The following KCNC3 variants were observed in gnomAD, a reference collection of about 807,000 sequenced individuals.
KCNC3 encodes voltage-gated potassium channel KCNC3.
KCNC3 carries 22 observed loss-of-function variants against 43.9 expected under a neutral mutation model. That is an observed-to-expected ratio of 0.50 (90% CI 0.36 to 0.72). The LOEUF (loss-of-function observed/expected upper bound fraction) is 0.72. Ranked by LOEUF, KCNC3 falls within the 30% of genes least tolerant of loss-of-function variation. The probability of loss-of-function intolerance (pLI) is 0.00; values close to 1 mark genes in which losing one functional copy is unlikely to be tolerated. For synonymous variants in KCNC3, 492 were observed against 488.0 expected (o/e 1.01, Z -0.11); for missense variants, 829 against 1,073.8 (o/e 0.77, Z 3.19).
chr19:50,316,461 C>T (rs1328654916), intron 4 of KCNC3, among the ~76,000 whole-genome samples: 1 of 151,908 alleles, frequency 6.6e-6, no homozygotes, highest in Non-Finnish European at 1.5e-5. Flanking sequence ...AGGGAAGAAG[C>T]CTGGCGCAGT....
In KCNC3 at chr19:50,312,142, AC is replaced by A. The variant is rs2123507995; in HGVS notation, c.*3972del. On this transcript the variant is annotated 3_prime_UTR_variant, in exon 5 of 5. Coordinates refer to ENST00000477616, the MANE Select transcript of KCNC3 (RefSeq NM_004977.3). ...CCTGCCCTGCGGGTGGGCTGAGAAG[AC>A]CCGCCATTAGCACCAGAGTTGGACG... The A allele has an allele frequency of 6.9e-6, 1 of 145,128 alleles. No individual in the cohort carries two copies. The highest frequency in any genetic ancestry group is 2.6e-5 in the African/African-American group (1 of 39,114). The allele number at this position is 145,128 out of a possible 1,614,324, so 9.0% of individuals were successfully genotyped here.
chr19:50,321,832 G>A (rs2037038044), intron 2 of KCNC3, among the ~76,000 whole-genome samples: 1 of 151,832 alleles, frequency 6.6e-6, no homozygotes, highest in Admixed American at 6.6e-5. Context: ...TCGGGGAGAA[G>A]ATGAGGCAGT....
At chr19:50,322,242 A>C (rs1220306657) in intron 2 of KCNC3, among the ~76,000 whole-genome samples, 3 of 152,096 alleles carry the variant, frequency 2.0e-5, no homozygotes, top group South Asian at 2.1e-4. Flanking sequence ...ACACACACAG[A>C]AGCACAGGTA....
Position 50,323,856 on chromosome 19 carries a change from C to T in KCNC3, c.1097G>A (p.Arg366His), listed in dbSNP as rs769502387. 3 of 1,614,026 alleles carry T rather than the reference C, an allele frequency of 1.9e-6. No individual in the cohort carries two copies. The highest frequency in any genetic ancestry group is 2.7e-5 in the African/African-American group (2 of 74,910). ...CACCTTGTCTGGGCAGAAGGTGATG[C>T]GCATGAGGAACTCGAAGGTGAACCA... ...VVWFTFEFLM[R>H]ITFCPDKVEF... The change falls in exon 2 of 5, where the codon CGC becomes CAC. Residue 366 changes from arginine to histidine, a missense_variant. Coordinates refer to ENST00000477616, the MANE Select transcript of KCNC3 (RefSeq NM_004977.3).
At chr19:50,331,792 C>G (rs1042637517), upstream of KCNC3, among the ~76,000 whole-genome samples, 1 of 152,040 alleles carries the variant, frequency 6.6e-6, no homozygotes, top group Non-Finnish European at 1.5e-5. Flanking sequence ...GTTTCACCTT[C>G]TTCTGGGTCT....
intron 4 of KCNC3, 95 bp from the exon 5 acceptor site, chr19:50,316,186 G>A (rs527734990): frequency 5.8e-4 from 223 of 385,584 alleles, no homozygotes; most frequent in African/African-American, 4.3e-3. Flanking sequence ...ATGGAGAAAC[G>A]CCGCCGGGAT....
Position 50,315,969 on chromosome 19 carries a change from T to C in KCNC3, c.*146A>G. ...TGTCTTGATCGTAGGAGGGAGGGCT[T>C]GGGGGGAGATTTGAAGCCCAGTGTC... On this transcript the variant is annotated 3_prime_UTR_variant, in exon 5 of 5. Coordinates refer to ENST00000477616, the MANE Select transcript of KCNC3 (RefSeq NM_004977.3). 4.6e-6 allele frequency: 1 copy of C among 217,254 alleles called. No homozygotes were observed. Among genetic ancestry groups the C allele is most frequent in the Non-Finnish European group, 9.3e-6 (1 of 106,960 alleles). The allele number at this position is 217,254 out of a possible 1,614,324, so 13.5% of individuals were successfully genotyped here. A position where few individuals can be genotyped will look rare whatever the true frequency, so the allele number is the denominator to read the frequency against.
intron 1 of KCNC3, among the ~76,000 whole-genome samples, chr19:50,326,930 G>GT (rs201114919): frequency 1.4e-5 from 2 of 147,652 alleles, no homozygotes; most frequent in Non-Finnish European, 3.0e-5. Flanking sequence ...GGCGGGGGGG[G>GT]AGGTTCGAGA....
intron 3 of KCNC3, 76 bp downstream of exon 3, chr19:50,320,517 A>C: frequency 7.1e-7 from 1 of 1,410,492 alleles, no homozygotes; most frequent in Non-Finnish European, 9.8e-7. Context: ...CTCCTCCCCC[A>C]TCCCCCTCTC....
intron 4 of KCNC3, among the ~76,000 whole-genome samples, chr19:50,319,560 T>C (rs543641798): frequency 7.0e-4 from 107 of 152,292 alleles, no homozygotes; most frequent in African/African-American, 2.4e-3. Context: ...TGGTCAGAAC[T>C]CCTGCTCAAC....
chr19:50,328,477 G>C lies in KCNC3; in HGVS notation c.606C>G (p.Phe202Leu), dbSNP rs375782591. The C allele has an allele frequency of 1.0e-4, 166 of 1,606,670 alleles. No homozygotes were observed. The highest frequency in any genetic ancestry group is 1.3e-4 in the Non-Finnish European group (157 of 1,177,886). Residue 202 changes from phenylalanine (F) to leucine (L), a missense_variant, in exon 1 of 5, where the codon TTC becomes TTG. Phe to Leu is a conservative substitution (Grantham distance 22). Transcript: ENST00000477616. ...CGGCGCCCGCGGGGTCGGGCGCCTC[G>C]AAGGAGTCGAGCGCCTCCTCAGCGT... ...HRDAEEALDS[F>L]EAPDPAGAAN...
chr19:50,332,814 TC>T (rs2123556975), upstream of KCNC3, among the ~76,000 whole-genome samples: 1 of 151,986 alleles, frequency 6.6e-6, no homozygotes, highest in Non-Finnish European at 1.5e-5. The surrounding 1 kb of genome is among the most constrained non-coding windows in gnomAD (Gnocchi z 5.8). Context: ...AAGCTCCAAC[TC>T]CCATCTACGT....
intron 2 of KCNC3, among the ~76,000 whole-genome samples, chr19:50,321,773 A>G (rs1394804129): frequency 6.6e-6 from 1 of 151,778 alleles, no homozygotes; most frequent in African/African-American, 2.4e-5. Context: ...CCGTCTTGGA[A>G]TAAGAAAAAA....
intron 1 of KCNC3, among the ~76,000 whole-genome samples, chr19:50,327,310 C>G (rs929335183): frequency 9.9e-5 from 15 of 152,196 alleles, no homozygotes; most frequent in African/African-American, 3.6e-4. Context: ...TGGGGGAAGT[C>G]TGGAGCTTTA....
intron 3 of KCNC3, 69 bp downstream of exon 3, chr19:50,320,522 CCT>C: frequency 6.9e-7 from 1 of 1,454,626 alleles, no homozygotes; most frequent in Middle Eastern, 2.3e-4. Context: ...CCCCCATCCC[CCT>C]CTCCTCCCTC....
intron 2 of KCNC3, 46 bp downstream of exon 2, chr19:50,322,929 C>T: frequency 6.5e-7 from 1 of 1,539,666 alleles, no homozygotes; most frequent in Non-Finnish European, 8.8e-7. Context: ...CCCCAGTCCT[C>T]CCCGGGTCTC....
Position 50,324,109 on chromosome 19 carries a change from G to C in KCNC3, c.871-27C>G. On this transcript the variant is annotated intron_variant, in intron 1 of 4. Coordinates refer to ENST00000477616, the MANE Select transcript of KCNC3 (RefSeq NM_004977.3). This position sits in a 1 kb window ranked among gnomAD's most constrained non-coding sequence, Gnocchi z 4.1. ...TGCAGGGCAGGGAGGGAGAGAGAGG[G>C]GGAGAGGTGACCTAGGCATCAGGTT... The C allele has an allele frequency of 6.4e-7, 1 of 1,560,718 alleles. No homozygotes were observed. Among genetic ancestry groups the C allele is most frequent in the Non-Finnish European group, 8.7e-7 (1 of 1,153,682 alleles).
chr19:50,330,573 A>T (rs1260532816), upstream of KCNC3, among the ~76,000 whole-genome samples: 1 of 152,080 alleles, frequency 6.6e-6, no homozygotes, highest in Non-Finnish European at 1.5e-5. Context: ...GAGAACTTCT[A>T]ACGAACGCTA....
chr19:50,318,560 A>G (rs1338223149), intron 4 of KCNC3, among the ~76,000 whole-genome samples: 4 of 152,154 alleles, frequency 2.6e-5, no homozygotes, highest in African/African-American at 9.7e-5. Flanking sequence ...CTCTTTGGCT[A>G]TAGGGGCTGT....
Sources: gnomAD v4.1 joint callset for allele counts (sites outside exome capture counted in the v4.1 genomes callset) on GRCh38, gnomAD v4.1.1 for gene constraint, Gnocchi (gnomAD v3.1) non-coding constraint, MANE v1.5 for transcripts, NCBI Gene and HGNC (gene_info 2026-07-23, HGNC 2026-07-21) for gene names.